The following PIP5K1B variants were observed in gnomAD, a reference collection of about 807,000 sequenced individuals.
PIP5K1B encodes the protein phosphatidylinositol 4-phosphate 5-kinase type-1 beta.
In PIP5K1B, 42 loss-of-function variants were observed where a neutral mutation model predicts 67.0. The ratio of observed to expected loss-of-function variants is 0.63; its 90% CI spans 0.49 to 0.81. The LOEUF (loss-of-function observed/expected upper bound fraction) is 0.81, where lower values mean the gene tolerates loss of function less well. Among genes scored for constraint, PIP5K1B ranks in the 30% least tolerant of loss-of-function variants. The pLI, the probability that PIP5K1B is intolerant of heterozygous loss-of-function variation, is 0.00. For synonymous variants in PIP5K1B, 214 were observed against 231.4 expected (o/e 0.92, Z 0.68); for missense variants, 459 against 646.3 (o/e 0.71, Z 3.14).
intron 4 of PIP5K1B, among the ~76,000 whole-genome samples, chr9:68,849,731 A>G (rs1822385210): frequency 6.6e-6 from 1 of 152,218 alleles, no homozygotes; most frequent in Non-Finnish European, 1.5e-5. Context: ...AAAAGCCCCA[A>G]ACACACACTA....
intron 4 of PIP5K1B, among the ~76,000 whole-genome samples, chr9:68,841,260 C>T (rs533387551): frequency 5.3e-5 from 8 of 152,336 alleles, no homozygotes; most frequent in African/African-American, 1.7e-4. Flanking sequence ...CTACTGTTAA[C>T]ATGAAGCAAT....
At position 68,857,399 on chromosome 9, in the gene PIP5K1B, C is replaced by T. The variant is rs148441305; in HGVS notation, c.70-6438C>T. ...CTGTATAATTTCCATAGTCCTACAA[C>T]CAGTTTCATGCAATCTCTCTCTCTT... On this transcript the variant is annotated intron_variant, in intron 4 of 15. Coordinates refer to ENST00000265382, the MANE Select transcript of PIP5K1B (RefSeq NM_003558.4). 5.1e-4 allele frequency among the ~76,000 whole-genome samples: 78 copies of T among 152,260 alleles called. No individual in the cohort carries two copies. In the East Asian group the frequency reaches 0.014, roughly 26 times the overall value.
chr9:68,891,455 T>A (rs12338444), intron 7 of PIP5K1B, among the ~76,000 whole-genome samples: 6,295 of 150,564 alleles, frequency 0.042, 338 homozygotes, highest in East Asian at 0.14. Context: ...TTTTTTTTTT[T>A]AAAAAATGAT....
At chr9:68,811,343 G>A (rs1433557608) in intron 2 of PIP5K1B, among the ~76,000 whole-genome samples, 6 of 152,072 alleles carry the variant, frequency 3.9e-5, no homozygotes, top group African/African-American at 1.4e-4. Flanking sequence ...CTGTATCACA[G>A]GGAAGTCATC....
chr9:68,866,854 A>T (rs1823382893), intron 5 of PIP5K1B, among the ~76,000 whole-genome samples: 1 of 152,174 alleles, frequency 6.6e-6, no homozygotes, highest in Admixed American at 6.6e-5. Context: ...AAGACAGGCA[A>T]GAGTCCAGTC....
At chr9:68,791,632 A>G (rs1166432361) in intron 2 of PIP5K1B, among the ~76,000 whole-genome samples, 1 of 152,230 alleles carries the variant, frequency 6.6e-6, no homozygotes, top group Non-Finnish European at 1.5e-5. Context: ...CTTTGAGTCA[A>G]GAATTAAAAT....
Position 68,917,580 on chromosome 9 carries a change from C to T in PIP5K1B, c.804C>T (p.Ser268=). The T allele has an allele frequency of 6.2e-7, 1 of 1,613,944 alleles. No individual in the cohort carries two copies. Among genetic ancestry groups the T allele is most frequent in the Non-Finnish European group, 8.5e-7 (1 of 1,179,860 alleles). Residue 268 remains serine, a synonymous_variant, in exon 9 of 16, where the codon AGC becomes AGT. Transcript: ENST00000265382. ...AAAGCTTCAAGATCATGGATTATAG[C>T]CTTCTGTTGGGAATTCATTTCCTGG... The part of the protein sequence containing the change: ...VLESFKIMDY[S]LLLGIHFLDH...
At position 68,820,343 on chromosome 9, in the gene PIP5K1B, A is replaced by G. The variant is rs150374583; in HGVS notation, c.-1+1798A>G. 3.3e-5 allele frequency among the ~76,000 whole-genome samples: 5 copies of G among 152,342 alleles called. No individual in the cohort carries two copies. In the East Asian group the frequency reaches 9.6e-4, roughly 29 times the overall value. On this transcript the variant is annotated intron_variant, in intron 3 of 15. Coordinates refer to ENST00000265382, the MANE Select transcript of PIP5K1B (RefSeq NM_003558.4). ...TCAATTTAAGCTGATACAGCATGGA[A>G]AACAATAGTTTGTGAAACATCTGTC... is the stretch of plus-strand genomic sequence containing the variant.
intron 15 of PIP5K1B, among the ~76,000 whole-genome samples, chr9:68,993,079 G>A (rs1217423907): frequency 1.3e-5 from 2 of 150,524 alleles, no homozygotes; most frequent in Non-Finnish European, 3.0e-5. Context: ...GGAGAATGGC[G>A]TGAACCCGGG....
chr9:68,891,187 C>G (rs968347847), intron 7 of PIP5K1B, among the ~76,000 whole-genome samples: 2 of 152,136 alleles, frequency 1.3e-5, no homozygotes, highest in African/African-American at 4.8e-5. Flanking sequence ...AAGGTTGAGG[C>G]TGCAGTGAAC....
At chr9:68,968,712 TATA>T (rs756235679) in intron 14 of PIP5K1B, among the ~76,000 whole-genome samples, 2 of 134,028 alleles carry the variant, frequency 1.5e-5, no homozygotes, top group African/African-American at 2.8e-5. Flanking sequence ...TATATATATA[TATA>T]TTTTTTTTTT....
chr9:68,740,717 T>C (rs577909836), intron 1 of PIP5K1B, among the ~76,000 whole-genome samples: 1 of 152,348 alleles, frequency 6.6e-6, no homozygotes, highest in East Asian at 1.9e-4. Flanking sequence ...GTGAGAAATA[T>C]AGGTGTGCAC....
chr9:68,916,740 C>T (rs1451857532), intron 8 of PIP5K1B, among the ~76,000 whole-genome samples: 4 of 151,864 alleles, frequency 2.6e-5, no homozygotes, highest in Admixed American at 6.6e-5. Context: ...GGTGTGGTGG[C>T]GGGCACCTGT....
In PIP5K1B at chr9:68,961,204, G is replaced by A. The variant is rs1188920551; in HGVS notation, c.1502+20414G>A. Among the ~76,000 whole-genome samples, 15 of 140,056 alleles carry A rather than the reference G, an allele frequency of 1.1e-4. No individual in the cohort carries two copies. In the South Asian group the frequency reaches 1.6e-3, roughly 15 times the overall value. 91.9% of individuals were successfully genotyped at this position (140,056 alleles called of 152,430 possible). ...CGCAGTCCGGCCTGGGCGACAGAGC[G>A]AGACTCCGTCTCAAAAAAAAAAAAA... On this transcript the variant is annotated intron_variant, in intron 14 of 15. Coordinates refer to ENST00000265382, the MANE Select transcript of PIP5K1B (RefSeq NM_003558.4).
At chr9:68,742,991 A>G (rs1006392056) in intron 2 of PIP5K1B, among the ~76,000 whole-genome samples, 6 of 152,186 alleles carry the variant, frequency 3.9e-5, no homozygotes, top group Non-Finnish European at 7.3e-5. Context: ...TCTAACTGAA[A>G]ATATGAGCCA....
chr9:68,745,690 T>C (rs745798909), intron 2 of PIP5K1B, among the ~76,000 whole-genome samples: 28 of 152,332 alleles, frequency 1.8e-4, no homozygotes, highest in Middle Eastern at 6.8e-3. Context: ...CTCTGCTGCC[T>C]GCTCCCACTC....
At chr9:68,830,044 G>A (rs980467991) in intron 4 of PIP5K1B, among the ~76,000 whole-genome samples, 33 of 152,158 alleles carry the variant, frequency 2.2e-4, no homozygotes, top group Middle Eastern at 3.4e-3. Context: ...AGCAACAGGT[G>A]TTTAAAATCA....
At chr9:68,807,849 C>G (rs571135981) in intron 2 of PIP5K1B, among the ~76,000 whole-genome samples, 1 of 152,026 alleles carries the variant, frequency 6.6e-6, no homozygotes, top group African/African-American at 2.4e-5. Flanking sequence ...AGAAATATTG[C>G]CATGTAGTAA....
At chr9:68,940,575 C>T (rs1022267941) in intron 13 of PIP5K1B, 71 bp from the exon 14 acceptor site, 31 of 1,388,238 alleles carry the variant, frequency 2.2e-5, no homozygotes, top group Middle Eastern at 1.9e-4. Flanking sequence ...TGACTCATTT[C>T]AATTATTATA....
Sources: gnomAD v4.1 joint callset for allele counts (sites outside exome capture counted in the v4.1 genomes callset) on GRCh38, gnomAD v4.1.1 for gene constraint, MANE v1.5 for transcripts, NCBI Gene and HGNC (gene_info 2026-07-23, HGNC 2026-07-21) for gene names.